Variants in EIPR1 observed in about 807,000 individuals in gnomAD.
EIPR1 encodes EARP and GARP complex-interacting protein 1.
Under a neutral mutation model 48.1 loss-of-function variants are expected in EIPR1, and 25 were observed. That is an observed-to-expected ratio of 0.52 (90% CI 0.38 to 0.73). EIPR1 has a LOEUF of 0.73. Ranked by LOEUF, EIPR1 falls within the 30% of genes least tolerant of loss-of-function variation. The pLI, the probability that EIPR1 is intolerant of heterozygous loss-of-function variation, is 0.00. For missense variants in EIPR1, 415 were observed against 506.2 expected, an observed-to-expected ratio of 0.82 and a Z score of 1.73; for synonymous variants, 204 against 201.9, an observed-to-expected ratio of 1.01 and a Z score of -0.09.
intron 3 of EIPR1, among the ~76,000 whole-genome samples, chr2:3,297,230 C>T (rs528980215): frequency 3.9e-4 from 59 of 152,328 alleles, no homozygotes; most frequent in South Asian, 8.3e-4. Flanking sequence ...TGGAATCCGA[C>T]TACGGAATAA....
At chr2:3,222,807 C>A (rs538668248) in intron 4 of EIPR1, among the ~76,000 whole-genome samples, 6 of 152,240 alleles carry the variant, frequency 3.9e-5, no homozygotes, top group African/African-American at 1.4e-4. Context: ...GAGACCAGAT[C>A]GAGATATCAT....
intron 1 of EIPR1, among the ~76,000 whole-genome samples, chr2:3,376,302 A>T (rs1659880532): frequency 6.6e-6 from 1 of 152,176 alleles, no homozygotes; most frequent in South Asian, 2.1e-4. Context: ...AAGGTCACAT[A>T]GTTAATAAGT....
intron 3 of EIPR1, among the ~76,000 whole-genome samples, chr2:3,289,969 C>T (rs1384803618): frequency 6.6e-6 from 1 of 152,260 alleles, no homozygotes; most frequent in African/African-American, 2.4e-5. Context: ...CTCACAGAAC[C>T]ACACAATGCC....
At chr2:3,377,200 A>G (rs1187846187) in intron 1 of EIPR1, 1 of 161,982 alleles carries the variant, frequency 6.2e-6, no homozygotes, top group African/African-American at 2.4e-5. Context: ...GTAAAGTGTT[A>G]ACATTAAGGG....
At chr2:3,343,152 A>G (rs1414572162) in intron 2 of EIPR1, among the ~76,000 whole-genome samples, 2 of 152,212 alleles carry the variant, frequency 1.3e-5, no homozygotes, top group African/African-American at 4.8e-5. Flanking sequence ...TGGTCCTGGC[A>G]TGCGAGCTCT....
intron 3 of EIPR1, among the ~76,000 whole-genome samples, chr2:3,261,303 C>T (rs141481315): frequency 9.2e-5 from 14 of 152,208 alleles, no homozygotes; most frequent in East Asian, 3.9e-4. Context: ...TGAGTGCAAA[C>T]GTACATAACG....
intron 8 of EIPR1, 140 bp downstream of exon 8, chr2:3,192,274 C>T (rs1048830460): frequency 1.7e-5 from 18 of 1,064,190 alleles, no homozygotes; most frequent in Non-Finnish European, 2.2e-5. Flanking sequence ...CTGTGAGTCC[C>T]CACAGCTGCA....
intron 3 of EIPR1, among the ~76,000 whole-genome samples, chr2:3,262,574 C>A (rs1667366860): frequency 6.6e-6 from 1 of 152,222 alleles, no homozygotes; most frequent in Non-Finnish European, 1.5e-5. Flanking sequence ...ACAGCAAGAT[C>A]AGGCTGGGGA....
At chr2:3,283,818 C>T (rs553725663) in intron 3 of EIPR1, among the ~76,000 whole-genome samples, 75 of 152,152 alleles carry the variant, frequency 4.9e-4, no homozygotes, top group African/African-American at 1.7e-3. Context: ...TGGCGGCTGT[C>T]TGTAAATCCC....
chr2:3,291,356 C>G (rs1238508694), intron 3 of EIPR1, among the ~76,000 whole-genome samples: 1 of 152,150 alleles, frequency 6.6e-6, no homozygotes, highest in African/African-American at 2.4e-5. Flanking sequence ...GTACCCCAAC[C>G]CACGTAGCGG....
At chr2:3,258,264 T>C (rs2103221416) in intron 3 of EIPR1, among the ~76,000 whole-genome samples, 1 of 152,370 alleles carries the variant, frequency 6.6e-6, no homozygotes, top group South Asian at 2.1e-4. Flanking sequence ...TCTGATGCTC[T>C]AGAAAATTTC....
intron 8 of EIPR1, 21 bp downstream of exon 8, chr2:3,192,393 C>A (rs202236585): frequency 1.9e-4 from 303 of 1,587,288 alleles, no homozygotes; most frequent in Non-Finnish European, 1.3e-4. Flanking sequence ...GCGTGAGCCA[C>A]TCTGCAGTGC....
intron 3 of EIPR1, among the ~76,000 whole-genome samples, chr2:3,323,935 G>C (rs1669613001): frequency 6.6e-6 from 1 of 152,232 alleles, no homozygotes; most frequent in African/African-American, 2.4e-5. Flanking sequence ...TAGGCAGCAA[G>C]GGTGAGGCTG....
chr2:3,252,637 A>C (rs1667036081), intron 4 of EIPR1, among the ~76,000 whole-genome samples: 1 of 152,142 alleles, frequency 6.6e-6, no homozygotes, highest in African/African-American at 2.4e-5. Context: ...GCAAGAAATC[A>C]CAGGGTGGGG....
At chr2:3,347,254 C>T (rs1670428926) in intron 2 of EIPR1, among the ~76,000 whole-genome samples, 1 of 152,162 alleles carries the variant, frequency 6.6e-6, no homozygotes, top group Admixed American at 6.5e-5. Flanking sequence ...TGGCCTAATA[C>T]ACCAACAGAC....
At chr2:3,194,233 G>A (rs1396065049) in intron 6 of EIPR1, 67 bp from the exon 7 acceptor site, 9 of 1,576,112 alleles carry the variant, frequency 5.7e-6, no homozygotes, top group East Asian at 2.3e-5. Flanking sequence ...TGCGTGCTGC[G>A]GGCACACACT....
At chr2:3,352,186 C>T (rs1384873274) in intron 2 of EIPR1, among the ~76,000 whole-genome samples, 2 of 145,654 alleles carry the variant, frequency 1.4e-5, no homozygotes, top group Middle Eastern at 3.5e-3. Flanking sequence ...CACCTTTGAT[C>T]AGCATATCCA....
intron 4 of EIPR1, among the ~76,000 whole-genome samples, chr2:3,235,670 T>G (rs1666384371): frequency 6.6e-6 from 1 of 152,262 alleles, no homozygotes; most frequent in Non-Finnish European, 1.5e-5. Context: ...CCAAACTTAT[T>G]TTAAGATTCC....
intron 3 of EIPR1, among the ~76,000 whole-genome samples, chr2:3,273,413 G>A (rs1206796098): frequency 1.3e-5 from 2 of 152,102 alleles, no homozygotes; most frequent in African/African-American, 2.4e-5. Flanking sequence ...AGGTAAAGAG[G>A]AGATACTAGG....
Sources: gnomAD v4.1 joint callset for allele counts (sites outside exome capture counted in the v4.1 genomes callset) on GRCh38, gnomAD v4.1.1 for gene constraint, MANE v1.5 for transcripts, NCBI Gene and HGNC (gene_info 2026-07-23, HGNC 2026-07-21) for gene names.